FHIT: variants seen among roughly 807,000 people sequenced by gnomAD.
The protein encoded by FHIT is fragile histidine triad diadenosine triphosphatase.
A neutral mutation model predicts 17.9 loss-of-function variants in FHIT; 19 were observed. The ratio of observed to expected loss-of-function variants is 1.06; its 90% CI spans 0.74 to 1.56. The LOEUF (loss-of-function observed/expected upper bound fraction) is 1.56, where lower values mean the gene tolerates loss of function less well. Among genes scored for constraint, FHIT ranks in the 40% most tolerant of loss-of-function variants. FHIT has a pLI of 0.00. For missense variants in FHIT, 248 were observed against 189.2 expected, an observed-to-expected ratio of 1.31 and a Z score of -1.82; for synonymous variants, 81 against 69.7, an observed-to-expected ratio of 1.16 and a Z score of -0.81.
In FHIT at chr3:60,767,846, A is replaced by C. The variant is rs141789985; in HGVS notation, c.-18+54073T>G. 4.6e-3 allele frequency among the ~76,000 whole-genome samples: 701 copies of C among 152,234 alleles called. 2 individuals are homozygous for C. Among genetic ancestry groups the C allele is most frequent in the Non-Finnish European group, 6.8e-3 (461 of 68,010 alleles). On this transcript the variant is annotated intron_variant, in intron 4 of 9. Transcript: ENST00000492590. The stretch of plus-strand genomic sequence containing the variant: ...TGTGTGGCCTGAGCTGCCCAACCTG[A>C]ATTGGGTGTTGTTTTATCCACTGTC...
chr3:60,374,720 G>A (rs111951296), intron 5 of FHIT, among the ~76,000 whole-genome samples: 111 of 151,930 alleles, frequency 7.3e-4, no homozygotes, highest in African/African-American at 2.4e-3. Flanking sequence ...TGTGCAGCCC[G>A]AAGTCAAGAT....
intron 5 of FHIT, among the ~76,000 whole-genome samples, chr3:60,070,964 G>A (rs994389485): frequency 2.0e-5 from 3 of 152,162 alleles, no homozygotes; most frequent in African/African-American, 7.2e-5. Context: ...ACTAGTTTAT[G>A]GTTAACAAAC....
chr3:59,903,142 G>A (rs1158504411), intron 8 of FHIT, among the ~76,000 whole-genome samples: 2 of 152,126 alleles, frequency 1.3e-5, no homozygotes, highest in Non-Finnish European at 2.9e-5. Flanking sequence ...CAAAAGATGG[G>A]TGACCCTTGA....
At chr3:60,188,986 T>G (rs1702281304) in intron 5 of FHIT, among the ~76,000 whole-genome samples, 1 of 152,082 alleles carries the variant, frequency 6.6e-6, no homozygotes, top group Non-Finnish European at 1.5e-5. Flanking sequence ...TCAGTAAAAA[T>G]CAGAAATGAT....
intron 2 of FHIT, among the ~76,000 whole-genome samples, chr3:61,135,608 C>A (rs918003303): frequency 1.3e-5 from 2 of 151,914 alleles, no homozygotes; most frequent in African/African-American, 2.4e-5. Flanking sequence ...CATACACACA[C>A]ACACACATAC....
In FHIT at chr3:60,784,963, G is replaced by GGACTTC. The variant is rs879987390; in HGVS notation, c.-18+36955_-18+36956insGAAGTC. Reference sequence around the variant, plus strand: ...GACTTCACAGCCTCCAGCATTGTGAGACAGACATTTCTGTTGTTTATGAGC... The same window carrying GGACTTC: ...GACTTCACAGCCTCCAGCATTGTGAGGACTTCACAGACATTTCTGTTGTTTATGAGC... On this transcript the variant is annotated intron_variant, in intron 4 of 9. Coordinates refer to ENST00000492590, the MANE Select transcript of FHIT (RefSeq NM_002012.4). 1.2e-3 allele frequency among the ~76,000 whole-genome samples: 186 copies of GGACTTC among 152,272 alleles called. 1 individual carries two copies. The highest frequency in any genetic ancestry group is 1.9e-3 in the Non-Finnish European group (126 of 68,020).
intron 5 of FHIT, among the ~76,000 whole-genome samples, chr3:60,156,671 G>C (rs527494238): frequency 6.6e-6 from 1 of 152,246 alleles, no homozygotes; most frequent in African/African-American, 2.4e-5. Flanking sequence ...AGGATTACTT[G>C]AGCCTAAGAA....
intron 7 of FHIT, among the ~76,000 whole-genome samples, chr3:59,986,089 T>G (rs1708887216): frequency 6.6e-6 from 1 of 152,060 alleles, no homozygotes; most frequent in Admixed American, 6.6e-5. Flanking sequence ...AAGCATATTA[T>G]AACGGCAAAA....
chr3:60,101,523 A>G (rs1477920457), intron 5 of FHIT, among the ~76,000 whole-genome samples: 1 of 151,732 alleles, frequency 6.6e-6, no homozygotes, highest in Non-Finnish European at 1.5e-5. Context: ...ACCCCATGCT[A>G]TTTTCTATTA....
intron 3 of FHIT, among the ~76,000 whole-genome samples, chr3:61,020,125 A>G (rs1185392107): frequency 6.6e-6 from 1 of 152,102 alleles, no homozygotes; most frequent in African/African-American, 2.4e-5. Context: ...AGTCTTCCAC[A>G]ATGGTTGAAC....
chr3:60,093,737 G>A (rs1438701235), intron 5 of FHIT, among the ~76,000 whole-genome samples: 1 of 152,146 alleles, frequency 6.6e-6, no homozygotes, highest in Non-Finnish European at 1.5e-5. Context: ...TAGAATGCGG[G>A]CTCCTTATGA....
chr3:61,171,403 T>G (rs2107134227), intron 2 of FHIT, among the ~76,000 whole-genome samples: 1 of 152,350 alleles, frequency 6.6e-6, no homozygotes, highest in Middle Eastern at 3.4e-3. Flanking sequence ...ATAGGTTGTC[T>G]GTTTAGTCTG....
chr3:60,138,922 A>G (rs1699923516), intron 5 of FHIT, among the ~76,000 whole-genome samples: 1 of 152,136 alleles, frequency 6.6e-6, no homozygotes. Flanking sequence ...ACTTTATAGG[A>G]AAGCCACACT....
intron 8 of FHIT, among the ~76,000 whole-genome samples, chr3:59,795,258 C>A (rs952376102): frequency 2.6e-5 from 4 of 152,128 alleles, no homozygotes; most frequent in East Asian, 1.9e-4. Context: ...TTGGTGGGTG[C>A]CTGTAGTCCC....
chr3:60,604,163 T>C (rs1268827110), intron 4 of FHIT, among the ~76,000 whole-genome samples: 1 of 152,104 alleles, frequency 6.6e-6, no homozygotes, highest in African/African-American at 2.4e-5. Flanking sequence ...TTACATTTAG[T>C]ACAGTGAGAG....
chr3:61,015,998 G>T (rs1483652041), intron 3 of FHIT, among the ~76,000 whole-genome samples: 2 of 152,202 alleles, frequency 1.3e-5, no homozygotes, highest in Admixed American at 6.5e-5. Context: ...CAACATAACT[G>T]CTCTGAGATT....
intron 8 of FHIT, among the ~76,000 whole-genome samples, chr3:59,870,483 G>A (rs373394803): frequency 6.6e-6 from 1 of 152,136 alleles, no homozygotes; most frequent in Non-Finnish European, 1.5e-5. Flanking sequence ...AACAACAAAG[G>A]TATCTCATAA....
chr3:60,439,067 G>A (rs746831945), intron 5 of FHIT, among the ~76,000 whole-genome samples: 20 of 152,106 alleles, frequency 1.3e-4, no homozygotes, highest in Non-Finnish European at 2.9e-5. Context: ...ATATTAGATG[G>A]AGAAATCTTT....
At chr3:59,914,252 A>C (rs1381084282) in intron 8 of FHIT, among the ~76,000 whole-genome samples, 1 of 152,112 alleles carries the variant, frequency 6.6e-6, no homozygotes, top group African/African-American at 2.4e-5. Context: ...TTACATTTAC[A>C]ACGCATCTCA....
Sources: allele counts gnomAD v4.1 joint callset (sites outside exome capture counted in the v4.1 genomes callset), GRCh38; gene constraint gnomAD v4.1.1; transcripts MANE v1.5; gene names NCBI Gene and HGNC (gene_info 2026-07-23, HGNC 2026-07-21).